Variants in TRA2B observed in about 807,000 individuals in gnomAD.
TRA2B encodes transformer 2 beta homolog.
TRA2B carries 14 observed loss-of-function variants against 41.7 expected under a neutral mutation model. That is an observed-to-expected ratio of 0.34 (90% CI 0.22 to 0.53). The LOEUF is 0.53. Ranked by LOEUF, TRA2B falls within the 20% of genes least tolerant of loss-of-function variation. The pLI is 0.95. For missense variants in TRA2B, 167 were observed against 396.8 expected (o/e 0.42, Z 4.92); for synonymous variants, 130 against 128.8 (o/e 1.01, Z -0.06).
At chr3:185,936,467 G>C (rs1744359575) in intron 1 of TRA2B, 1 of 985,252 alleles carries the variant, frequency 1.0e-6, no homozygotes, top group African/African-American at 1.7e-5. Flanking sequence ...GGCTTGATTA[G>C]TTCAAACCAA....
intron 7 of TRA2B, 99 bp from the exon 8 acceptor site, chr3:185,918,537 C>CA (rs1335991308): frequency 1.6e-5 from 11 of 705,096 alleles, no homozygotes; most frequent in Non-Finnish European, 2.5e-5. Context: ...ATCAGTTCCC[C>CA]AAAAAAGGAA....
intron 1 of TRA2B, chr3:185,934,671 G>A (rs1019201346): frequency 7.1e-6 from 7 of 985,128 alleles, no homozygotes; most frequent in South Asian, 9.4e-5. Context: ...TAGATTCAGA[G>A]ATGTTTCAGT....
chr3:185,929,277 A>G (rs1744063723), intron 1 of TRA2B, among the ~76,000 whole-genome samples: 1 of 152,192 alleles, frequency 6.6e-6, no homozygotes. Flanking sequence ...CCTACAAGAA[A>G]TAAGACCTAA....
intron 8 of TRA2B, 104 bp downstream of exon 8, chr3:185,918,261 T>C (rs1743579103): frequency 1.2e-6 from 1 of 804,094 alleles, no homozygotes; most frequent in African/African-American, 1.7e-5. Context: ...AATCATTAGG[T>C]ATGAAACTAC....
At chr3:185,935,084 G>C in intron 1 of TRA2B, 1 of 985,282 alleles carries the variant, frequency 1.0e-6, no homozygotes, top group Non-Finnish European at 1.2e-6. Context: ...ACCATTATTG[G>C]GCTCTAAAGA....
chr3:185,933,462 C>T (rs949721573), intron 1 of TRA2B, among the ~76,000 whole-genome samples: 1 of 152,074 alleles, frequency 6.6e-6, no homozygotes, highest in Admixed American at 6.6e-5. Flanking sequence ...GAAACTTGTC[C>T]TATCAACACA....
chr3:185,917,840 C>A, intron 8 of TRA2B, 115 bp from the exon 9 acceptor site: 1 of 962,444 alleles, frequency 1.0e-6, no homozygotes, highest in Non-Finnish European at 1.6e-6. Flanking sequence ...GTGCCAGAAC[C>A]CCACCACCCC....
chr3:185,928,917 T>C (rs949429720), intron 1 of TRA2B: 2 of 152,208 alleles, frequency 1.3e-5, no homozygotes, highest in African/African-American at 2.4e-5. Flanking sequence ...GCCTGTCCAC[T>C]GAGGGAAGAG....
At position 185,936,941 on chromosome 3, in the gene TRA2B, C is replaced by T. The variant is rs1255122794; in HGVS notation, c.36+884G>A. 16 of 985,430 alleles carry T rather than the reference C, an allele frequency of 1.6e-5. No individual in the cohort carries two copies. In the South Asian group the frequency reaches 7.0e-4, roughly 43 times the overall value. The allele number at this position is 985,430 out of a possible 1,614,324, so 61.0% of individuals were successfully genotyped here. A position where few individuals can be genotyped will look rare whatever the true frequency, so the allele number is the denominator to read the frequency against. ...AGGTGGAAACTTAAGGGAAAGAAAA[C>T]TGTAGCCAACACACGCTGTGGTTCT... On this transcript the variant is annotated intron_variant, in intron 1 of 8. Coordinates refer to ENST00000453386, the MANE Select transcript of TRA2B (RefSeq NM_004593.3).
chr3:185,935,851 C>G, intron 1 of TRA2B: 1 of 985,272 alleles, frequency 1.0e-6, no homozygotes, highest in Non-Finnish European at 1.2e-6. Context: ...TATTTCACAA[C>G]GTAAAAGTTT....
intron 1 of TRA2B, among the ~76,000 whole-genome samples, chr3:185,929,443 C>T (rs1744069472): frequency 1.3e-5 from 2 of 152,280 alleles, no homozygotes; most frequent in South Asian, 4.1e-4. Flanking sequence ...CACCAACAGA[C>T]AGAACTGGAC....
At position 185,925,588 on chromosome 3, in the gene TRA2B, CG is replaced by C; in HGVS notation, c.208del (p.Arg70GlyfsTer56). The C allele has an allele frequency of 6.2e-7, 1 of 1,614,052 alleles. No individual in the cohort carries two copies. The highest frequency in any genetic ancestry group is 8.5e-7 in the Non-Finnish European group (1 of 1,179,976). ...SRRSSRRHYT[R>X]SRSRSRSHRR... ...ATGGGAGCGGGAGCGAGACCGTGACCGGGTATAATGCCTTCGGGAGCTTCTT... is the reference window on the plus strand; with the variant it reads ...ATGGGAGCGGGAGCGAGACCGTGACCGGTATAATGCCTTCGGGAGCTTCTT... On this transcript the variant is annotated frameshift_variant, in exon 3 of 9. Transcript: ENST00000453386. LOFTEE classifies it high-confidence loss of function.
At position 185,925,587 on chromosome 3, in the gene TRA2B, C is replaced by G. The variant is rs140662277; in HGVS notation, c.210G>C (p.Arg70=). The G allele has an allele frequency of 6.2e-7, 1 of 1,613,990 alleles. No individual in the cohort carries two copies. Among genetic ancestry groups the G allele is most frequent in the Non-Finnish European group, 8.5e-7 (1 of 1,179,998 alleles). The part of the protein sequence containing the change: ...SRRSSRRHYT[R]SRSRSRSHRR... ...TATGGGAGCGGGAGCGAGACCGTGA[C>G]CGGGTATAATGCCTTCGGGAGCTTC... The change falls in exon 3 of 9, where the codon CGG becomes CGC. Residue 70 remains arginine, a synonymous_variant. Transcript: ENST00000453386.
intron 1 of TRA2B, chr3:185,936,673 A>AT (rs753456091): frequency 4.1e-6 from 4 of 965,012 alleles, no homozygotes; most frequent in Admixed American, 7.5e-5. Flanking sequence ...TAGGTAACAA[A>AT]TTGTTTTTTT....
At chr3:185,934,565 C>G in intron 1 of TRA2B, 1 of 985,368 alleles carries the variant, frequency 1.0e-6, no homozygotes, top group Non-Finnish European at 1.2e-6. Flanking sequence ...ATAAACCTAA[C>G]CAGACTCACA....
chr3:185,918,141 C>T (rs1291722569), intron 8 of TRA2B, among the ~76,000 whole-genome samples: 1 of 152,152 alleles, frequency 6.6e-6, no homozygotes, highest in East Asian at 1.9e-4. Flanking sequence ...GTCTCCGAGC[C>T]TACTCTGGCT....
rs1427132502 is a variant in TRA2B at position 185,917,705 on chromosome 3, T to C, written c.*10A>G. The stretch of plus-strand genomic sequence containing the variant: ...CAGCTCTAGGGCAGGTTTCAGAAAG[T>C]CTTCATGCTTTAATAGCGACCTGGG... On this transcript the variant is annotated 3_prime_UTR_variant, in exon 9 of 9. Coordinates refer to ENST00000453386, the MANE Select transcript of TRA2B (RefSeq NM_004593.3). The C allele has an allele frequency of 6.2e-7, 1 of 1,613,252 alleles. No homozygotes were observed. Among genetic ancestry groups the C allele is most frequent in the Non-Finnish European group, 8.5e-7 (1 of 1,179,514 alleles).
At chr3:185,937,686 CT>C in intron 1 of TRA2B, 138 bp downstream of exon 1, 1 of 1,234,282 alleles carries the variant, frequency 8.1e-7, no homozygotes, top group Non-Finnish European at 1.2e-6. Flanking sequence ...TGGTTAAATG[CT>C]GTCTCCCTTG....
At chr3:185,934,526 A>C in intron 1 of TRA2B, 1 of 985,438 alleles carries the variant, frequency 1.0e-6, no homozygotes, top group East Asian at 1.1e-4. Flanking sequence ...ACCAAGAAAA[A>C]AATATTTCAA....
Sources: gnomAD v4.1 joint callset for allele counts (sites outside exome capture counted in the v4.1 genomes callset) on GRCh38, gnomAD v4.1.1 for gene constraint, MANE v1.5 for transcripts, NCBI Gene and HGNC (gene_info 2026-07-23, HGNC 2026-07-21) for gene names.